Variants in KCNB2 observed in about 807,000 individuals in gnomAD.
KCNB2 encodes delayed rectifier potassium channel protein.
In KCNB2, 15 loss-of-function variants were observed where a neutral mutation model predicts 61.5. That is an observed-to-expected ratio of 0.24 (90% CI 0.16 to 0.38). The LOEUF is 0.38. Ranked by LOEUF, KCNB2 falls within the 10% of genes least tolerant of loss-of-function variation. The pLI is 1.00. For missense variants in KCNB2, 828 were observed against 1,125.2 expected (o/e 0.74, Z 3.78); for synonymous variants, 457 against 446.0 (o/e 1.02, Z -0.31).
intron 1 of KCNB2, among the ~76,000 whole-genome samples, chr8:72,544,289 G>C (rs912121698): frequency 6.6e-6 from 1 of 152,184 alleles, no homozygotes; most frequent in Non-Finnish European, 1.5e-5. Flanking sequence ...GGCTGAAGAA[G>C]GTTGAGGATT....
In KCNB2 at chr8:72,875,436, T is replaced by C. The variant is rs1406799802; in HGVS notation, c.580-60499T>C. Reference sequence around the variant, plus strand: ...ATCCCCCAGGTGATTCAGATGCATATTCAACCTTTAGAAGCCCTGGTCCAA... The same window carrying C: ...ATCCCCCAGGTGATTCAGATGCATACTCAACCTTTAGAAGCCCTGGTCCAA... On this transcript the variant is annotated intron_variant, in intron 2 of 2. Transcript: ENST00000523207. Among the ~76,000 whole-genome samples the C allele has an allele frequency of 2.0e-5, 3 of 152,268 alleles. No individual in the cohort carries two copies. In the South Asian group the frequency reaches 6.2e-4, roughly 32 times the overall value.
chr8:72,711,480 T>C (rs189560228), intron 2 of KCNB2, among the ~76,000 whole-genome samples: 1 of 152,318 alleles, frequency 6.6e-6, no homozygotes, highest in East Asian at 1.9e-4. Context: ...TAATAAGGTC[T>C]GCAATAAAGG....
chr8:72,574,885 G>A (rs961451486), intron 2 of KCNB2, among the ~76,000 whole-genome samples: 3 of 119,518 alleles, frequency 2.5e-5, no homozygotes, highest in African/African-American at 5.8e-5. Context: ...TTAGGTAAGC[G>A]TAAGTGTTAT....
chr8:72,742,379 G>A (rs1418134375), intron 2 of KCNB2, among the ~76,000 whole-genome samples: 1 of 152,148 alleles, frequency 6.6e-6, no homozygotes, highest in Non-Finnish European at 1.5e-5. Context: ...AAACAGTTTA[G>A]CTAGGTAGGG....
chr8:72,590,865 A>G (rs908816955), intron 2 of KCNB2, among the ~76,000 whole-genome samples: 2 of 152,142 alleles, frequency 1.3e-5, no homozygotes, highest in East Asian at 3.9e-4. Flanking sequence ...TAAAACAAAA[A>G]CAAAAGTTAA....
At chr8:72,695,537 C>T (rs1043013276) in intron 2 of KCNB2, among the ~76,000 whole-genome samples, 1 of 152,034 alleles carries the variant, frequency 6.6e-6, no homozygotes, top group Non-Finnish European at 1.5e-5. Flanking sequence ...AGTAATCTAA[C>T]AAAATGTGCA....
At chr8:72,896,692 A>C (rs1174037649) in intron 2 of KCNB2, among the ~76,000 whole-genome samples, 1 of 152,120 alleles carries the variant, frequency 6.6e-6, no homozygotes, top group Non-Finnish European at 1.5e-5. Context: ...TTCAAAAAAA[A>C]CATTGTATTT....
At chr8:72,685,589 G>C (rs558563561) in intron 2 of KCNB2, among the ~76,000 whole-genome samples, 1 of 152,182 alleles carries the variant, frequency 6.6e-6, no homozygotes, top group East Asian at 1.9e-4. Context: ...CTAAATGTAG[G>C]GGTCAAAGAA....
Position 72,937,886 on chromosome 8 carries a change from C to G in KCNB2, c.2531C>G (p.Pro844Arg). 6.2e-7 allele frequency: 1 copy of G among 1,614,094 alleles called. No individual in the cohort carries two copies. The highest frequency in any genetic ancestry group is 8.5e-7 in the Non-Finnish European group (1 of 1,179,998). The part of the protein sequence containing the change: ...FADKPSDGRD[P>R]LREEGSVGSS... Reference sequence around the variant, plus strand: ...GATAAGCCTAGTGATGGGAGAGACCCTTTAAGAGAAGAGGGCAGTGTGGGC... The same window carrying G: ...GATAAGCCTAGTGATGGGAGAGACCGTTTAAGAGAAGAGGGCAGTGTGGGC... The change falls in exon 3 of 3, where the codon CCT (proline) becomes CGT (arginine). Residue 844 changes from proline (P) to arginine (R), a missense_variant. This residue lies in a region of KCNB2 where 559 missense variants were observed against 588.4 expected (regional missense o/e 0.95). Coordinates refer to ENST00000523207, the MANE Select transcript of KCNB2 (RefSeq NM_004770.3).
intron 2 of KCNB2, among the ~76,000 whole-genome samples, chr8:72,807,410 A>G (rs1185290524): frequency 6.6e-6 from 1 of 152,180 alleles, no homozygotes; most frequent in African/African-American, 2.4e-5. Flanking sequence ...CTGCAGGTAT[A>G]AGTTATTACT....
At chr8:72,631,668 G>A (rs1805884524) in intron 2 of KCNB2, among the ~76,000 whole-genome samples, 1 of 152,184 alleles carries the variant, frequency 6.6e-6, no homozygotes, top group Non-Finnish European at 1.5e-5. Flanking sequence ...TAACAGCATT[G>A]TAATTAAATT....
chr8:72,835,091 A>G (rs994438203), intron 2 of KCNB2, among the ~76,000 whole-genome samples: 4 of 152,158 alleles, frequency 2.6e-5, no homozygotes, highest in Admixed American at 1.3e-4. Context: ...GTGGAAATTA[A>G]GCAAATGGAG....
At chr8:72,873,811 C>T (rs768796287) in intron 2 of KCNB2, among the ~76,000 whole-genome samples, 7 of 152,220 alleles carry the variant, frequency 4.6e-5, no homozygotes, top group Non-Finnish European at 5.9e-5. Flanking sequence ...TGCTATAAGT[C>T]GCCTTGCAGT....
chr8:72,764,821 A>G (rs918756130), intron 2 of KCNB2, among the ~76,000 whole-genome samples: 2 of 152,198 alleles, frequency 1.3e-5, no homozygotes, highest in Admixed American at 6.5e-5. Context: ...GCTTGTTTTC[A>G]GTGCTTTTCC....
chr8:72,915,112 C>A (rs2929571), intron 2 of KCNB2, among the ~76,000 whole-genome samples: 3 of 151,724 alleles, frequency 2.0e-5, no homozygotes, highest in Non-Finnish European at 4.4e-5. Context: ...TTCACCATGT[C>A]GGTCAGGCTG....
chr8:72,801,729 T>C (rs1809129517), intron 2 of KCNB2, among the ~76,000 whole-genome samples: 1 of 151,942 alleles, frequency 6.6e-6, no homozygotes, highest in African/African-American at 2.4e-5. Context: ...TTCTTTACCT[T>C]GGCACATCTG....
intron 2 of KCNB2, among the ~76,000 whole-genome samples, chr8:72,802,133 G>T (rs980559600): frequency 6.6e-6 from 1 of 152,072 alleles, no homozygotes; most frequent in Non-Finnish European, 1.5e-5. Flanking sequence ...CAATTGTTAC[G>T]TAGTATTGTT....
At chr8:72,628,057 G>A (rs566612904) in intron 2 of KCNB2, among the ~76,000 whole-genome samples, 2 of 151,974 alleles carry the variant, frequency 1.3e-5, no homozygotes, top group African/African-American at 2.4e-5. Flanking sequence ...AGGTTCAAAC[G>A]ATTCTCCTGC....
At chr8:72,858,576 G>C (rs1810243657) in intron 2 of KCNB2, among the ~76,000 whole-genome samples, 1 of 152,194 alleles carries the variant, frequency 6.6e-6, no homozygotes, top group African/African-American at 2.4e-5. Flanking sequence ...GCTTTGCAGA[G>C]CTAAACTGGC....
Sources: gnomAD v4.1 joint callset for allele counts (sites outside exome capture counted in the v4.1 genomes callset) on GRCh38, gnomAD v4.1.1 for gene constraint, gnomAD v4.1.1 regional missense constraint, MANE v1.5 for transcripts, NCBI Gene and HGNC (gene_info 2026-07-23, HGNC 2026-07-21) for gene names.